Variants in NGLY1 observed in about 807,000 individuals in gnomAD.
NGLY1 encodes the protein peptide-N(4)-(N-acetyl-beta-glucosaminyl)asparagine amidase.
In NGLY1, 68 loss-of-function variants were observed where a neutral mutation model predicts 84.6. That is an observed-to-expected ratio of 0.80 (90% confidence interval 0.66 to 0.98). NGLY1 has a LOEUF of 0.98. Ranked by LOEUF, NGLY1 falls within the 50% of genes least tolerant of loss-of-function variation. The pLI is 0.00. For missense variants in NGLY1, 779 were observed against 770.2 expected (o/e 1.01, Z -0.14); for synonymous variants, 280 against 275.2 (o/e 1.02, Z -0.17).
intron 10 of NGLY1, among the ~76,000 whole-genome samples, chr3:25,725,171 C>G (rs1705188320): frequency 6.6e-6 from 1 of 152,128 alleles, no homozygotes; most frequent in South Asian, 2.1e-4. Context: ...AGTATCAGAT[C>G]ACACCCTTTT....
At chr3:25,775,400 T>C (rs554249807) in intron 2 of NGLY1, among the ~76,000 whole-genome samples, 6 of 152,312 alleles carry the variant, frequency 3.9e-5, no homozygotes, top group South Asian at 4.1e-4. Context: ...TGTCCATCAA[T>C]AGATGAATGG....
chr3:25,733,808 A>G lies in NGLY1; in HGVS notation c.1260+64T>C. On this transcript the variant is annotated intron_variant, in intron 8 of 11. Coordinates refer to ENST00000280700, the MANE Select transcript of NGLY1 (RefSeq NM_018297.4). ...TTTAAGAATTTCAATAGGCTAATAA[A>G]CGGCTATTCTCGATTACATAAAAAA... is the stretch of plus-strand genomic sequence containing the variant. The G allele has an allele frequency of 3.9e-6, 4 of 1,016,752 alleles. No homozygotes were observed. The South Asian group carries it at 6.8e-5, about 17-fold the overall frequency. The allele number at this position is 1,016,752 out of a possible 1,614,324, so 63.0% of individuals were successfully genotyped here.
intron 2 of NGLY1, among the ~76,000 whole-genome samples, chr3:25,773,116 T>A (rs1191869039): frequency 6.6e-6 from 1 of 152,208 alleles, no homozygotes; most frequent in Non-Finnish European, 1.5e-5. Flanking sequence ...TAGGTGATGA[T>A]CTTTTTGAGA....
At chr3:25,746,247 A>T (rs569187078) in intron 4 of NGLY1, among the ~76,000 whole-genome samples, 2 of 152,182 alleles carry the variant, frequency 1.3e-5, no homozygotes, top group African/African-American at 4.8e-5. Flanking sequence ...AAAATCCCCA[A>T]TCCCTTAGTA....
At chr3:25,753,326 AAAAT>A (rs1159364143) in intron 3 of NGLY1, among the ~76,000 whole-genome samples, 2 of 152,228 alleles carry the variant, frequency 1.3e-5, no homozygotes, top group Admixed American at 6.5e-5. Flanking sequence ...GTACAGGGGC[AAAAT>A]AAATATATTT....
chr3:25,723,159 T>A (rs1367394968), intron 10 of NGLY1, among the ~76,000 whole-genome samples: 1 of 152,164 alleles, frequency 6.6e-6, no homozygotes, highest in Non-Finnish European at 1.5e-5. Context: ...CTTAATTATA[T>A]TGTGTGGGTC....
chr3:25,745,615 A>G (rs1559541183), intron 4 of NGLY1, among the ~76,000 whole-genome samples: 1 of 152,114 alleles, frequency 6.6e-6, no homozygotes, highest in South Asian at 2.1e-4. Flanking sequence ...CAAATTCCAC[A>G]TATTCTATAA....
intron 5 of NGLY1, 106 bp downstream of exon 5, chr3:25,739,471 G>T: frequency 1.8e-6 from 2 of 1,100,704 alleles, no homozygotes; most frequent in Non-Finnish European, 1.3e-6. Context: ...GTATTTTAGA[G>T]GAATATATTT....
At chr3:25,764,408 A>G (rs1707462034) in intron 2 of NGLY1, 97 bp from the exon 3 acceptor site, 2 of 1,251,744 alleles carry the variant, frequency 1.6e-6, no homozygotes, top group East Asian at 2.3e-5. Context: ...AACCAATAAT[A>G]TAGAATGCAT....
intron 10 of NGLY1, 65 bp from the exon 11 acceptor site, chr3:25,720,256 C>T: frequency 1.5e-6 from 2 of 1,315,854 alleles, no homozygotes; most frequent in Non-Finnish European, 2.1e-6. Flanking sequence ...AGAAAACAAA[C>T]TTAGTGAAGA....
intron 10 of NGLY1, among the ~76,000 whole-genome samples, chr3:25,725,591 T>G (rs74278590): frequency 1.3e-5 from 2 of 152,164 alleles, no homozygotes; most frequent in East Asian, 3.9e-4. Context: ...CAACATTTGG[T>G]ATCTAATGTT....
At chr3:25,748,283 A>G (rs908542577) in intron 4 of NGLY1, among the ~76,000 whole-genome samples, 1 of 152,144 alleles carries the variant, frequency 6.6e-6, no homozygotes, top group African/African-American at 2.4e-5. Context: ...GGGCTCCAGT[A>G]TAATAACAAT....
intron 8 of NGLY1, 93 bp downstream of exon 8, chr3:25,733,779 C>G: frequency 1.7e-6 from 1 of 600,090 alleles, no homozygotes; most frequent in Non-Finnish European, 2.8e-6. Flanking sequence ...AACAATGCTA[C>G]TACTTTAAGA....
chr3:25,736,235 A>C lies in NGLY1; in HGVS notation c.1004-86T>G, dbSNP rs188532677. 28 of 1,560,564 alleles carry C rather than the reference A, an allele frequency of 1.8e-5. No individual in the cohort carries two copies. The African/African-American group carries it at 3.6e-4, about 20-fold the overall frequency. On this transcript the variant is annotated intron_variant, in intron 6 of 11. Transcript: ENST00000280700. ...AATAACTATACACAAACTCCTAAGA[A>C]TCATAAAGTAATGCATAATATTCTG...
At chr3:25,720,334 T>C in intron 10 of NGLY1, 143 bp from the exon 11 acceptor site, 1 of 605,756 alleles carries the variant, frequency 1.7e-6, no homozygotes, top group Non-Finnish European at 2.6e-6. Context: ...GTTGAAAAGG[T>C]TCTTACTGCT....
intron 10 of NGLY1, among the ~76,000 whole-genome samples, chr3:25,721,887 A>C (rs1705013222): frequency 6.6e-6 from 1 of 151,624 alleles, no homozygotes; most frequent in African/African-American, 2.4e-5. Context: ...TCTTCATCAA[A>C]TCATAAGCTC....
intron 2 of NGLY1, among the ~76,000 whole-genome samples, chr3:25,770,330 G>A (rs1442871103): frequency 6.6e-6 from 1 of 152,076 alleles, no homozygotes; most frequent in African/African-American, 2.4e-5. Context: ...TGTATTTTTA[G>A]TAGAGATGGG....
At chr3:25,772,727 T>C (rs529009334) in intron 2 of NGLY1, among the ~76,000 whole-genome samples, 3 of 152,334 alleles carry the variant, frequency 2.0e-5, no homozygotes, top group African/African-American at 4.8e-5. Context: ...TTATAGGTTC[T>C]GTGAGATTTA....
At position 25,732,302 on chromosome 3, in the gene NGLY1, T is replaced by C; in HGVS notation, c.1425+17A>G. 6.2e-7 allele frequency: 1 copy of C among 1,611,206 alleles called. No homozygotes were observed. Among genetic ancestry groups the C allele is most frequent in the Non-Finnish European group, 8.5e-7 (1 of 1,178,340 alleles). On this transcript the variant is annotated intron_variant, in intron 9 of 11. Transcript: ENST00000280700. ...CAGGAAAGTAAAAGGATCATCATGC[T>C]AGAATGAATTAAATACCTGTAGACC...
Sources: allele counts gnomAD v4.1 joint callset (sites outside exome capture counted in the v4.1 genomes callset), GRCh38; gene constraint gnomAD v4.1.1; transcripts MANE v1.5; gene names NCBI Gene and HGNC (gene_info 2026-07-23, HGNC 2026-07-21).